The following CCSER1 variants were observed in gnomAD, a reference collection of about 807,000 sequenced individuals.
CCSER1 encodes the protein serine-rich coiled-coil domain-containing protein 1.
In CCSER1, 41 loss-of-function variants were observed where a neutral mutation model predicts 82.0. The ratio of observed to expected loss-of-function variants is 0.50; its 90% CI spans 0.39 to 0.65. The LOEUF (loss-of-function observed/expected upper bound fraction) is 0.65. Ranked by LOEUF, CCSER1 falls within the 30% of genes least tolerant of loss-of-function variation. CCSER1 has a pLI of 0.00. For missense variants in CCSER1, 1,119 were observed against 1,064.2 expected, an observed-to-expected ratio of 1.05 and a Z score of -0.72; for synonymous variants, 414 against 383.9, an observed-to-expected ratio of 1.08 and a Z score of -0.92.
intron 9 of CCSER1, among the ~76,000 whole-genome samples, chr4:90,982,751 G>A (rs1284234639): frequency 6.6e-6 from 1 of 151,750 alleles, no homozygotes; most frequent in African/African-American, 2.4e-5. Context: ...TTCCCACAAA[G>A]GAGAAAATAA....
intron 9 of CCSER1, among the ~76,000 whole-genome samples, chr4:91,073,226 C>G (rs1721617724): frequency 6.6e-6 from 1 of 152,026 alleles, no homozygotes; most frequent in African/African-American, 2.4e-5. Context: ...TAGCCCAAAT[C>G]ATGATAAACT....
rs560515189 is a variant in CCSER1, at chr4:90,327,050, G to A, written c.1509+14003G>A. On this transcript the variant is annotated intron_variant, in intron 3 of 10. Transcript: ENST00000509176. ...AAACTGCCCTAGTGAAAACCCTTCA[G>A]TTTGTTTGCTAGGAAGTCTGTCATT... Among the ~76,000 whole-genome samples, 19 of 152,210 alleles carry A rather than the reference G, an allele frequency of 1.2e-4. No homozygotes were observed. In the South Asian group the frequency reaches 3.7e-3, roughly 30 times the overall value.
intron 10 of CCSER1, among the ~76,000 whole-genome samples, chr4:91,422,635 A>AT (rs1300099722): frequency 1.3e-5 from 2 of 152,184 alleles, no homozygotes; most frequent in Non-Finnish European, 2.9e-5. Context: ...TTCTTAGGTG[A>AT]TTTTTTAAAA....
intron 1 of CCSER1, among the ~76,000 whole-genome samples, chr4:90,194,641 A>T (rs1354227539): frequency 1.3e-5 from 2 of 151,996 alleles, no homozygotes; most frequent in African/African-American, 2.4e-5. Context: ...ATCTGATCTC[A>T]TTTTTGTGGT....
intron 4 of CCSER1, among the ~76,000 whole-genome samples, chr4:90,413,006 C>G (rs575068883): frequency 6.6e-6 from 1 of 152,116 alleles, no homozygotes; most frequent in Non-Finnish European, 1.5e-5. Context: ...AAGAGGAAGT[C>G]AAGCTGTCAC....
At chr4:91,186,189 T>G (rs1054857873) in intron 10 of CCSER1, among the ~76,000 whole-genome samples, 2 of 152,140 alleles carry the variant, frequency 1.3e-5, no homozygotes, top group African/African-American at 4.8e-5. Context: ...TTCTTCAAAA[T>G]AATAAGGAGG....
At chr4:90,700,451 G>A (rs1357060088) in intron 6 of CCSER1, among the ~76,000 whole-genome samples, 8 of 151,612 alleles carry the variant, frequency 5.3e-5, no homozygotes, top group African/African-American at 9.7e-5. Flanking sequence ...ATAAACATAC[G>A]TGTGCATGTG....
At chr4:90,560,492 A>G (rs1778639901) in intron 5 of CCSER1, among the ~76,000 whole-genome samples, 2 of 152,124 alleles carry the variant, frequency 1.3e-5, no homozygotes, top group Non-Finnish European at 2.9e-5. Context: ...TGCAAAATGT[A>G]TTAATGTTTT....
intron 10 of CCSER1, among the ~76,000 whole-genome samples, chr4:91,269,346 A>C (rs1410656530): frequency 1.3e-5 from 2 of 152,208 alleles, no homozygotes; most frequent in East Asian, 3.9e-4. Context: ...AATACTTTCA[A>C]ATTTCGGGGA....
rs1384148363 is a variant in CCSER1, at chr4:91,394,453, C to T, written c.2218-204119C>T. 2.0e-5 allele frequency among the ~76,000 whole-genome samples: 3 copies of T among 151,904 alleles called. 1 individual carries two copies. In the South Asian group the frequency reaches 6.2e-4, roughly 32 times the overall value. On this transcript the variant is annotated intron_variant, in intron 10 of 10. Coordinates refer to ENST00000509176, the MANE Select transcript of CCSER1 (RefSeq NM_001145065.2). ...CTTCTTTAGAAAATTTAAGATGGCT[C>T]TGTGTTTTTCTCTTGAGCCAATATC...
At chr4:91,277,526 C>CTTTTTTTTTTTTTTTTTTTTTTTGTTT (rs552319172) in intron 10 of CCSER1, among the ~76,000 whole-genome samples, 1 of 100,028 alleles carries the variant, frequency 1.0e-5, no homozygotes, top group East Asian at 3.2e-4. Context: ...CCATTTTGTC[C>CTTTTTTTTTTTTTTTTTTTTTTTGTTT]TTTTTTTTTT....
At chr4:90,424,643 A>C (rs1436777301) in intron 4 of CCSER1, among the ~76,000 whole-genome samples, 1 of 152,164 alleles carries the variant, frequency 6.6e-6, no homozygotes, top group African/African-American at 2.4e-5. Context: ...CATAGTCTAC[A>C]TTTTTATACC....
At chr4:90,485,755 G>A (rs944087714) in intron 5 of CCSER1, among the ~76,000 whole-genome samples, 5 of 151,954 alleles carry the variant, frequency 3.3e-5, no homozygotes, top group African/African-American at 1.2e-4. Context: ...GTATCCATGT[G>A]TTCTTATCAT....
intron 3 of CCSER1, among the ~76,000 whole-genome samples, chr4:90,391,590 A>G (rs978327420): frequency 2.7e-5 from 4 of 148,016 alleles, no homozygotes; most frequent in Middle Eastern, 7.0e-3. Flanking sequence ...AATAATAGCC[A>G]TTTTAACTAG....
intron 10 of CCSER1, among the ~76,000 whole-genome samples, chr4:91,461,364 T>C (rs1282150368): frequency 6.6e-6 from 1 of 152,094 alleles, no homozygotes; most frequent in Non-Finnish European, 1.5e-5. Context: ...CGTGAGAAAA[T>C]TGAGACACAA....
intron 1 of CCSER1, among the ~76,000 whole-genome samples, chr4:90,254,803 T>C (rs1312751875): frequency 2.0e-5 from 3 of 152,172 alleles, no homozygotes; most frequent in Non-Finnish European, 4.4e-5. Context: ...TAAATGTTTC[T>C]CCATTTTTTG....
At chr4:91,179,152 A>C (rs1435556917) in intron 10 of CCSER1, among the ~76,000 whole-genome samples, 3 of 152,118 alleles carry the variant, frequency 2.0e-5, no homozygotes, top group African/African-American at 7.2e-5. Flanking sequence ...GGCTTTATAG[A>C]GTTTCTGCCA....
At chr4:90,357,510 C>A (rs1744586902) in intron 3 of CCSER1, among the ~76,000 whole-genome samples, 1 of 151,894 alleles carries the variant, frequency 6.6e-6, no homozygotes, top group Non-Finnish European at 1.5e-5. Flanking sequence ...AAAATTGTTA[C>A]ACGTCAGAGG....
rs147607532 is a variant in CCSER1 at position 90,608,905 on chromosome 4, T to C, written c.1725-19120T>C. On this transcript the variant is annotated intron_variant, in intron 5 of 10. Transcript: ENST00000509176. ...ATAATAAAGAAAATACCTTGCTTTT[T>C]AGGCTTATTTCTCTATACATAAATC... is the stretch of plus-strand genomic sequence containing the variant. Among the ~76,000 whole-genome samples the C allele has an allele frequency of 4.6e-3, 708 of 152,258 alleles. 5 individuals carry two copies. The highest frequency in any genetic ancestry group is 0.016 in the African/African-American group (665 of 41,564).
Sources: gnomAD v4.1 joint callset for allele counts (sites outside exome capture counted in the v4.1 genomes callset) on GRCh38, gnomAD v4.1.1 for gene constraint, MANE v1.5 for transcripts, NCBI Gene and HGNC (gene_info 2026-07-23, HGNC 2026-07-21) for gene names.